STRN: variants seen among roughly 807,000 people sequenced by gnomAD.
The protein encoded by STRN is protein phosphatase 2 regulatory subunit B'''alpha.
A neutral mutation model predicts 96.3 loss-of-function variants in STRN; 53 were observed. The observed-to-expected ratio is 0.55, with a 90% CI of 0.44 to 0.69. The LOEUF (loss-of-function observed/expected upper bound fraction) is 0.69, where lower values mean the gene tolerates loss of function less well. Among genes scored for constraint, STRN ranks in the 30% least tolerant of loss-of-function variants. The probability of loss-of-function intolerance (pLI) is 0.00; values close to 1 mark genes in which losing one functional copy is unlikely to be tolerated. For missense variants in STRN, 987 were observed against 963.9 expected (o/e 1.02, Z -0.32); for synonymous variants, 428 against 355.9 (o/e 1.20, Z -2.28).
chr2:36,958,594 G>A (rs1664951023), intron 1 of STRN, among the ~76,000 whole-genome samples: 1 of 152,078 alleles, frequency 6.6e-6, no homozygotes, highest in Admixed American at 6.6e-5. Flanking sequence ...TTCACAGACT[G>A]GAAAATAAGT....
At chr2:36,936,919 T>C (rs1670714981) in intron 1 of STRN, among the ~76,000 whole-genome samples, 1 of 152,212 alleles carries the variant, frequency 6.6e-6, no homozygotes, top group Non-Finnish European at 1.5e-5. Flanking sequence ...AATCTTTCTA[T>C]GTTCTTACAT....
chr2:36,934,460 G>C (rs539831949), intron 1 of STRN, among the ~76,000 whole-genome samples: 3 of 152,282 alleles, frequency 2.0e-5, no homozygotes, highest in African/African-American at 7.2e-5. Flanking sequence ...AGAGCTCTCA[G>C]AAAGCATTAC....
Position 36,966,524 on chromosome 2 carries a change from C to T in STRN, c.-61G>A. 7.3e-7 allele frequency: 1 copy of T among 1,363,208 alleles called. No homozygotes were observed. Among genetic ancestry groups the T allele is most frequent in the Non-Finnish European group, 9.4e-7 (1 of 1,062,514 alleles). 84.4% of individuals were successfully genotyped at this position (1,363,208 alleles called of 1,614,324 possible). On this transcript the variant is annotated 5_prime_UTR_variant, in exon 1 of 18. Transcript: ENST00000263918. ...CCAGCAGCGGAGGCAACAGCGGCGG[C>T]AAGCAGCGCCTCCTCCTCCCTCCGC...
rs1572623842 is a variant in STRN, at chr2:36,855,086, G to C, written c.1978+126C>G. 1.2e-5 allele frequency: 12 copies of C among 979,948 alleles called. 1 individual carries two copies. The East Asian group carries it at 3.2e-4, about 26-fold the overall frequency. The allele number at this position is 979,948 out of a possible 1,614,324, so 60.7% of individuals were successfully genotyped here. A position where few individuals can be genotyped will look rare whatever the true frequency, so the allele number is the denominator to read the frequency against. On this transcript the variant is annotated intron_variant, in intron 15 of 17. Coordinates refer to ENST00000263918, the MANE Select transcript of STRN (RefSeq NM_003162.4). The stretch of plus-strand genomic sequence containing the variant: ...AATAATTACAACCTTCTAAGTAACT[G>C]TGTTCTGAAAGTTAAGAGACAGAAA...
At chr2:36,881,544 A>G (rs1572644734) in intron 9 of STRN, among the ~76,000 whole-genome samples, 1 of 152,244 alleles carries the variant, frequency 6.6e-6, no homozygotes, top group Admixed American at 6.5e-5. Context: ...TCAGTTATAG[A>G]CAATTAAATA....
At chr2:36,910,473 C>T (rs548238892) in intron 3 of STRN, among the ~76,000 whole-genome samples, 2 of 152,016 alleles carry the variant, frequency 1.3e-5, no homozygotes, top group African/African-American at 4.8e-5. Context: ...AGAGGAGAAA[C>T]GGAAGTACAC....
intron 1 of STRN, among the ~76,000 whole-genome samples, chr2:36,938,152 G>A (rs780894396): frequency 2.6e-5 from 4 of 152,098 alleles, no homozygotes; most frequent in South Asian, 2.1e-4. Context: ...TTGGCCAGGC[G>A]TGGTGGCTCA....
intron 1 of STRN, among the ~76,000 whole-genome samples, chr2:36,943,815 A>T (rs899321155): frequency 6.6e-5 from 10 of 151,098 alleles, no homozygotes; most frequent in African/African-American, 2.4e-4. Context: ...AAAAAAACCA[A>T]AACAGTTTAA....
chr2:36,870,304 A>T (rs1668730772), intron 10 of STRN, among the ~76,000 whole-genome samples: 2 of 152,132 alleles, frequency 1.3e-5, no homozygotes, highest in African/African-American at 4.8e-5. Context: ...ATGAAAAAAA[A>T]AAAAAAGCAC....
chr2:36,911,704 A>G (rs1669969045), intron 3 of STRN, among the ~76,000 whole-genome samples: 1 of 152,118 alleles, frequency 6.6e-6, no homozygotes, highest in Admixed American at 6.5e-5. Flanking sequence ...GTTTTAGTTC[A>G]TGGCTTATCA....
chr2:36,885,773 C>A (rs1015490143), intron 8 of STRN, among the ~76,000 whole-genome samples: 4 of 152,054 alleles, frequency 2.6e-5, no homozygotes, highest in African/African-American at 9.7e-5. Context: ...AAAAAGCATA[C>A]CTTTCCAGTC....
At chr2:36,950,599 T>C (rs1398074308) in intron 1 of STRN, among the ~76,000 whole-genome samples, 2 of 152,228 alleles carry the variant, frequency 1.3e-5, no homozygotes, top group Non-Finnish European at 2.9e-5. Context: ...TGCTTGATTA[T>C]ATGCCCCATG....
intron 12 of STRN, 69 bp downstream of exon 12, chr2:36,867,745 A>T (rs1668666085): frequency 9.3e-7 from 1 of 1,077,674 alleles, no homozygotes; most frequent in Admixed American, 2.8e-5. Flanking sequence ...AGTGAAAGAA[A>T]ATAAAATATC....
rs951424370 is a variant in STRN at position 36,840,324 on chromosome 2, A to G, written c.*9132T>C. The G allele has an allele frequency of 6.6e-6, 1 of 152,386 alleles. No homozygotes were observed. The highest frequency in any genetic ancestry group is 2.4e-5 in the African/African-American group (1 of 41,430). The allele number at this position is 152,386 out of a possible 1,614,324, so 9.4% of individuals were successfully genotyped here. A position where few individuals can be genotyped will look rare whatever the true frequency, so the allele number is the denominator to read the frequency against. Reference sequence around the variant, plus strand: ...GTCCGGGGATAGATGGGAGGTCATCAACAGGGTTTAGGGACACCTTCCTGT... The same window carrying G: ...GTCCGGGGATAGATGGGAGGTCATCGACAGGGTTTAGGGACACCTTCCTGT... On this transcript the variant is annotated 3_prime_UTR_variant, in exon 18 of 18. Transcript: ENST00000263918.
chr2:36,938,594 T>TA (rs1444690662), intron 1 of STRN, among the ~76,000 whole-genome samples: 1 of 152,224 alleles, frequency 6.6e-6, no homozygotes, highest in Non-Finnish European at 1.5e-5. Flanking sequence ...TATTTGCATG[T>TA]ATTTTCATAA....
intron 7 of STRN, 41 bp downstream of exon 7, chr2:36,893,857 T>A: frequency 1.3e-6 from 2 of 1,555,862 alleles, no homozygotes; most frequent in Non-Finnish European, 1.7e-6. Context: ...ATTTCTTTTA[T>A]TTACTTAACA....
intron 7 of STRN, among the ~76,000 whole-genome samples, chr2:36,887,994 C>T (rs376671239): frequency 7.2e-5 from 11 of 152,270 alleles, no homozygotes; most frequent in African/African-American, 2.6e-4. Flanking sequence ...AGCAAACATA[C>T]AAAACCAAAC....
In STRN at chr2:36,966,507, G is replaced by T. The variant is rs1363087273; in HGVS notation, c.-44C>A. 7.6e-6 allele frequency: 10 copies of T among 1,321,626 alleles called. No homozygotes were observed. Among genetic ancestry groups the T allele is most frequent in the Non-Finnish European group, 9.8e-6 (10 of 1,017,460 alleles). 81.9% of individuals were successfully genotyped at this position (1,321,626 alleles called of 1,614,324 possible). A position where few individuals can be genotyped will look rare whatever the true frequency, so the allele number is the denominator to read the frequency against. On this transcript the variant is annotated 5_prime_UTR_variant, in exon 1 of 18. Coordinates refer to ENST00000263918, the MANE Select transcript of STRN (RefSeq NM_003162.4). The stretch of plus-strand genomic sequence containing the variant: ...GGGAGCTGCCCCGGCGCCCAGCAGC[G>T]GAGGCAACAGCGGCGGCAAGCAGCG...
chr2:36,856,782 T>G (rs1334993832), intron 14 of STRN, among the ~76,000 whole-genome samples: 2 of 152,106 alleles, frequency 1.3e-5, no homozygotes. Context: ...TGGCGGGAGG[T>G]GATTGGATCA....
Sources: gnomAD v4.1 joint callset for allele counts (sites outside exome capture counted in the v4.1 genomes callset) on GRCh38, gnomAD v4.1.1 for gene constraint, MANE v1.5 for transcripts, NCBI Gene and HGNC (gene_info 2026-07-23, HGNC 2026-07-21) for gene names.